The following SPOCK3 variants were observed in gnomAD, a reference collection of about 807,000 sequenced individuals.
SPOCK3 encodes testican-3.
A neutral mutation model predicts 56.6 loss-of-function variants in SPOCK3; 30 were observed. The ratio of observed to expected loss-of-function variants is 0.53; its 90% CI spans 0.40 to 0.72. SPOCK3 has a LOEUF of 0.72. SPOCK3 is among the 30% of genes least tolerant of loss of function. The probability of loss-of-function intolerance (pLI) is 0.00; values close to 1 mark genes in which losing one functional copy is unlikely to be tolerated. For missense variants in SPOCK3, 527 were observed against 530.0 expected (o/e 0.99, Z 0.06); for synonymous variants, 196 against 183.3 (o/e 1.07, Z -0.56).
chr4:166,983,326 T>A (rs188486117), intron 4 of SPOCK3, among the ~76,000 whole-genome samples: 67 of 152,236 alleles, frequency 4.4e-4, no homozygotes, highest in African/African-American at 1.4e-3. Flanking sequence ...ATGAATATTA[T>A]CTTCACTCCT....
intron 2 of SPOCK3, among the ~76,000 whole-genome samples, chr4:167,067,841 C>G (rs925844018): frequency 6.6e-6 from 1 of 151,694 alleles, no homozygotes; most frequent in African/African-American, 2.4e-5. Context: ...TTACTTTTTT[C>G]TTTTTAATTC....
chr4:167,136,642 C>A (rs964145583), intron 2 of SPOCK3, among the ~76,000 whole-genome samples: 4 of 152,024 alleles, frequency 2.6e-5, no homozygotes, highest in Admixed American at 2.6e-4. Flanking sequence ...GTATTTCTGG[C>A]CCATTTCGAA....
intron 6 of SPOCK3, among the ~76,000 whole-genome samples, chr4:166,795,625 AAATT>A (rs1192004497): frequency 1.8e-4 from 27 of 151,990 alleles, no homozygotes; most frequent in Admixed American, 1.3e-3. Context: ...ACACTTTCTG[AAATT>A]AATTAAATTT....
chr4:167,179,215 A>G (rs1323301596), intron 2 of SPOCK3, among the ~76,000 whole-genome samples: 2 of 152,058 alleles, frequency 1.3e-5, no homozygotes, highest in Admixed American at 6.6e-5. Flanking sequence ...ACAAAACTGC[A>G]TTTTCCTTAG....
intron 7 of SPOCK3, among the ~76,000 whole-genome samples, chr4:166,763,608 T>A (rs1399614604): frequency 6.6e-6 from 1 of 152,016 alleles, no homozygotes; most frequent in East Asian, 1.9e-4. Context: ...GTGTACAACA[T>A]AGGTAGAATT....
At chr4:167,151,220 G>A (rs904474343) in intron 2 of SPOCK3, among the ~76,000 whole-genome samples, 12 of 152,070 alleles carry the variant, frequency 7.9e-5, no homozygotes, top group Non-Finnish European at 5.9e-5. Context: ...TGATTGCAAC[G>A]CGTAGTCGAG....
intron 6 of SPOCK3, among the ~76,000 whole-genome samples, chr4:166,859,532 C>A (rs1731025436): frequency 6.6e-6 from 1 of 152,220 alleles, no homozygotes; most frequent in Non-Finnish European, 1.5e-5. Context: ...ATAGATACAA[C>A]ATATGATAAA....
At chr4:166,975,624 A>T (rs1426360163) in intron 4 of SPOCK3, among the ~76,000 whole-genome samples, 1 of 152,066 alleles carries the variant, frequency 6.6e-6, no homozygotes, top group Non-Finnish European at 1.5e-5. Flanking sequence ...TATTTTTTGT[A>T]CCCATTAACC....
Position 166,869,696 on chromosome 4 carries a change from T to C in SPOCK3, c.589+19434A>G, listed in dbSNP as rs1461714048. Among the ~76,000 whole-genome samples, 3 of 150,902 alleles carry C rather than the reference T, an allele frequency of 2.0e-5. No individual in the cohort carries two copies. The East Asian group carries it at 5.9e-4, about 30-fold the overall frequency. On this transcript the variant is annotated intron_variant, in intron 6 of 10. Coordinates refer to ENST00000357545, the MANE Select transcript of SPOCK3 (RefSeq NM_001040159.2). ...AACATGTAAGGAGCTTCAAAGTCAT[T>C]CCCATACTTATACTAAGAAAACCTG...
intron 4 of SPOCK3, among the ~76,000 whole-genome samples, chr4:166,993,058 T>C (rs542687333): frequency 1.0e-3 from 155 of 152,172 alleles, no homozygotes; most frequent in Non-Finnish European, 1.7e-3. Flanking sequence ...GAAATCTTGG[T>C]ATACAAGATT....
intron 4 of SPOCK3, among the ~76,000 whole-genome samples, chr4:166,933,011 C>A (rs1004595323): frequency 5.3e-5 from 8 of 151,944 alleles, no homozygotes; most frequent in Non-Finnish European, 1.0e-4. Flanking sequence ...GTGACAAATC[C>A]ATGCATTAAT....
At chr4:167,008,515 T>C (rs781585529) in intron 3 of SPOCK3, among the ~76,000 whole-genome samples, 11 of 152,242 alleles carry the variant, frequency 7.2e-5, no homozygotes, top group Non-Finnish European at 1.2e-4. Context: ...TTTTAAGAAA[T>C]TCTTTCTTCA....
chr4:166,919,676 A>C (rs536855391), intron 4 of SPOCK3, among the ~76,000 whole-genome samples: 1 of 152,190 alleles, frequency 6.6e-6, no homozygotes, highest in Non-Finnish European at 1.5e-5. Flanking sequence ...ACTGCAAATG[A>C]TCTTCATTGT....
chr4:167,137,538 G>A (rs758876258), intron 2 of SPOCK3, among the ~76,000 whole-genome samples: 4 of 151,668 alleles, frequency 2.6e-5, no homozygotes, highest in African/African-American at 4.8e-5. Flanking sequence ...CATATATGCT[G>A]TTTAAAATCT....
intron 6 of SPOCK3, among the ~76,000 whole-genome samples, chr4:166,867,030 G>T (rs1731923991): frequency 6.6e-6 from 1 of 152,110 alleles, no homozygotes; most frequent in East Asian, 1.9e-4. Context: ...GAGCTACTAA[G>T]AGCAAACAAA....
At chr4:166,837,485 G>C (rs1027194703) in intron 6 of SPOCK3, among the ~76,000 whole-genome samples, 4 of 151,978 alleles carry the variant, frequency 2.6e-5, no homozygotes, top group Non-Finnish European at 5.9e-5. Flanking sequence ...GCTTTTTACT[G>C]CTTGCTCTAG....
At chr4:167,078,856 G>A (rs1407406688) in intron 2 of SPOCK3, among the ~76,000 whole-genome samples, 5 of 151,622 alleles carry the variant, frequency 3.3e-5, no homozygotes, top group Admixed American at 6.6e-5. Context: ...ACTTACAGTC[G>A]TCTTATATTG....
At chr4:167,005,225 T>A (rs1749342925) in intron 3 of SPOCK3, among the ~76,000 whole-genome samples, 1 of 152,066 alleles carries the variant, frequency 6.6e-6, no homozygotes, top group African/African-American at 2.4e-5. Flanking sequence ...ATTCTTTTTT[T>A]TTGAGATGGA....
intron 5 of SPOCK3, 139 bp downstream of exon 5, chr4:166,912,481 C>A: frequency 2.2e-6 from 2 of 919,644 alleles, no homozygotes; most frequent in South Asian, 1.8e-5. Context: ...AATCATATTC[C>A]AAACCAGTGA....
Sources: allele counts gnomAD v4.1 joint callset (sites outside exome capture counted in the v4.1 genomes callset), GRCh38; gene constraint gnomAD v4.1.1; transcripts MANE v1.5; gene names NCBI Gene and HGNC (gene_info 2026-07-23, HGNC 2026-07-21).